The following ANO3 variants were observed in gnomAD, a reference collection of about 807,000 sequenced individuals.
ANO3 encodes the protein anoctamin 3.
ANO3 carries 99 observed loss-of-function variants against 144.8 expected under a neutral mutation model. The ratio of observed to expected loss-of-function variants is 0.68; its 90% CI spans 0.58 to 0.81. The LOEUF (loss-of-function observed/expected upper bound fraction) is 0.81, where lower values mean the gene tolerates loss of function less well. ANO3 is among the 30% of genes least tolerant of loss of function. The pLI, the probability that ANO3 is intolerant of heterozygous loss-of-function variation, is 0.00. For synonymous variants in ANO3, 414 were observed against 392.6 expected, an observed-to-expected ratio of 1.05 and a Z score of -0.64; for missense variants, 905 against 1,202.2, an observed-to-expected ratio of 0.75 and a Z score of 3.66.
intron 1 of ANO3, among the ~76,000 whole-genome samples, chr11:26,226,673 AT>A (rs1163118046): frequency 1.3e-5 from 2 of 152,060 alleles, no homozygotes; most frequent in Admixed American, 6.5e-5. Flanking sequence ...GGTGATGTTT[AT>A]TTAATAACTC....
chr11:26,595,457 G>T (rs1851581809), intron 14 of ANO3, among the ~76,000 whole-genome samples: 4 of 67,844 alleles, frequency 5.9e-5, no homozygotes, highest in South Asian at 5.9e-4. Flanking sequence ...TTGAGATAGA[G>T]TTGTTTTTTT....
intron 8 of ANO3, among the ~76,000 whole-genome samples, chr11:26,534,238 T>A (rs562969971): frequency 8.5e-4 from 130 of 152,324 alleles, no homozygotes; most frequent in African/African-American, 2.8e-3. Flanking sequence ...AAATAAGAAA[T>A]AGGAACACTT....
In ANO3 at chr11:26,544,273, T is replaced by TACACACAC. The variant is rs1554967702; in HGVS notation, c.1154+2212_1154+2213insCACACACA. On this transcript the variant is annotated intron_variant, in intron 11 of 26. Transcript: ENST00000256737. Reference sequence around the variant, plus strand: ...ATACATATATATATATATATATATATACACACATACACACACACACACACA... The same window carrying TACACACAC: ...ATACATATATATATATATATATATATACACACACACACACATACACACACACACACACA... 3.9e-3 allele frequency among the ~76,000 whole-genome samples: 227 copies of TACACACAC among 58,554 alleles called. 15 individuals are homozygous for TACACACAC. The highest frequency in any genetic ancestry group is 0.031 in the East Asian group (27 of 860). 38.4% of individuals were successfully genotyped at this position (58,554 alleles called of 152,430 possible).
At chr11:26,384,062 C>T (rs1421824071) in intron 1 of ANO3, among the ~76,000 whole-genome samples, 1 of 151,350 alleles carries the variant, frequency 6.6e-6, no homozygotes, top group Non-Finnish European at 1.5e-5. Context: ...CATAACCCGG[C>T]TAATTTTTGA....
chr11:26,622,649 G>A (rs1167414608), intron 17 of ANO3, among the ~76,000 whole-genome samples: 1 of 152,110 alleles, frequency 6.6e-6, no homozygotes, highest in Non-Finnish European at 1.5e-5. Context: ...TATGTGACAA[G>A]GCACGATGTA....
intron 1 of ANO3, among the ~76,000 whole-genome samples, chr11:26,380,032 T>C (rs1488526066): frequency 6.6e-6 from 1 of 152,098 alleles, no homozygotes; most frequent in African/African-American, 2.4e-5. Flanking sequence ...AACTTCTGAG[T>C]TGTTCTTGGT....
intron 1 of ANO3, among the ~76,000 whole-genome samples, chr11:26,295,605 A>G (rs953408560): frequency 1.3e-5 from 2 of 152,056 alleles, no homozygotes; most frequent in African/African-American, 4.8e-5. Context: ...TAAAGCTATC[A>G]AGTAGCCAAA....
At chr11:26,549,032 G>A (rs913189136) in intron 12 of ANO3, among the ~76,000 whole-genome samples, 1 of 151,538 alleles carries the variant, frequency 6.6e-6, no homozygotes, top group Non-Finnish European at 1.5e-5. Flanking sequence ...AGTTGGTCCC[G>A]TGGAGAACAT....
chr11:26,639,239 C>A lies in ANO3; in HGVS notation c.2139C>A (p.Tyr713Ter), dbSNP rs1338920588. 6.2e-7 allele frequency: 1 copy of A among 1,610,212 alleles called. No individual in the cohort carries two copies. The highest frequency in any genetic ancestry group is 8.5e-7 in the Non-Finnish European group (1 of 1,176,732). ...QIWNNFMELG[Y>*]PLIQNWWSRH... is the part of the protein sequence containing the mutation. Reference sequence around the variant, plus strand: ...GGAACAACTTCATGGAACTAGGATACCCGTGAGCACATTATTTTCAAACTT... The same window carrying A: ...GGAACAACTTCATGGAACTAGGATAACCGTGAGCACATTATTTTCAAACTT... The change falls in exon 21 of 27, where the codon TAC (tyrosine) becomes TAA (stop). Residue 713 changes from tyrosine to a stop codon, truncating the protein, a stop_gained and splice_region_variant. Transcript: ENST00000256737. LOFTEE classifies it high-confidence loss of function.
intron 24 of ANO3, among the ~76,000 whole-genome samples, 196 bp downstream of exon 24, chr11:26,648,052 C>T (rs1853406134): frequency 6.6e-6 from 1 of 152,032 alleles, no homozygotes; most frequent in South Asian, 2.1e-4. Flanking sequence ...TAGAGTCCGT[C>T]TACTGTTTTT....
chr11:26,201,854 T>C (rs537807223), intron 1 of ANO3, among the ~76,000 whole-genome samples: 1 of 151,898 alleles, frequency 6.6e-6, no homozygotes, highest in East Asian at 1.9e-4. Flanking sequence ...GTGTAAGATT[T>C]TCAATTTTTA....
At chr11:26,259,116 G>T (rs1402985149) in intron 1 of ANO3, among the ~76,000 whole-genome samples, 1 of 152,044 alleles carries the variant, frequency 6.6e-6, no homozygotes, top group Non-Finnish European at 1.5e-5. Flanking sequence ...CATAATACTT[G>T]GTTCTAAGAA....
intron 14 of ANO3, among the ~76,000 whole-genome samples, chr11:26,564,357 T>A (rs11029617): frequency 0.047 from 7,187 of 151,654 alleles, 212 homozygotes; most frequent in South Asian, 0.089. Flanking sequence ...GTATATATGA[T>A]TTGTTTTTTA....
intron 1 of ANO3, among the ~76,000 whole-genome samples, chr11:26,231,867 T>C (rs1298342998): frequency 6.6e-6 from 1 of 152,160 alleles, no homozygotes; most frequent in African/African-American, 2.4e-5. Flanking sequence ...AGTCCTTAGT[T>C]TAAAGTGTGC....
intron 3 of ANO3, among the ~76,000 whole-genome samples, chr11:26,454,390 G>T (rs1055888062): frequency 6.6e-6 from 1 of 151,824 alleles, no homozygotes; most frequent in Non-Finnish European, 1.5e-5. Flanking sequence ...AATGATAAAG[G>T]GGATATCACC....
intron 4 of ANO3, among the ~76,000 whole-genome samples, chr11:26,481,675 G>A (rs1473075386): frequency 1.3e-5 from 2 of 152,018 alleles, no homozygotes; most frequent in Admixed American, 6.6e-5. Flanking sequence ...GGAGATGGAA[G>A]GTGAAGAATG....
At chr11:26,370,779 G>C (rs1856231347) in intron 1 of ANO3, among the ~76,000 whole-genome samples, 2 of 152,308 alleles carry the variant, frequency 1.3e-5, no homozygotes, top group Admixed American at 1.3e-4. Context: ...GTTATGCAAA[G>C]AGACTGGCAG....
chr11:26,429,703 T>A (rs556881072), intron 1 of ANO3, among the ~76,000 whole-genome samples: 1 of 152,294 alleles, frequency 6.6e-6, no homozygotes, highest in South Asian at 2.1e-4. Flanking sequence ...GTTCTGATAC[T>A]GGACAAGGCA....
chr11:26,280,697 C>T (rs560408133), intron 1 of ANO3, among the ~76,000 whole-genome samples: 9 of 152,246 alleles, frequency 5.9e-5, no homozygotes, highest in East Asian at 1.9e-4. Context: ...CAGGAAAATA[C>T]GTTGCATCCT....
Sources: gnomAD v4.1 joint callset for allele counts (sites outside exome capture counted in the v4.1 genomes callset) on GRCh38, gnomAD v4.1.1 for gene constraint, MANE v1.5 for transcripts, NCBI Gene and HGNC (gene_info 2026-07-23, HGNC 2026-07-21) for gene names.